The following NCAM1 variants were observed in gnomAD, a reference collection of about 807,000 sequenced individuals.
The protein encoded by NCAM1 is neural cell adhesion molecule 1.
Under a neutral mutation model 109.8 loss-of-function variants are expected in NCAM1, and 14 were observed. The ratio of observed to expected loss-of-function variants is 0.13; its 90% confidence interval spans 0.08 to 0.20. NCAM1 has a LOEUF of 0.20. NCAM1 is among the 10% of genes least tolerant of loss of function. The pLI, the probability that NCAM1 is intolerant of heterozygous loss-of-function variation, is 1.00. For synonymous variants in NCAM1, 418 were observed against 442.9 expected (o/e 0.94, Z 0.70); for missense variants, 774 against 1,109.9 (o/e 0.70, Z 4.30).
intron 1 of NCAM1, among the ~76,000 whole-genome samples, chr11:112,987,895 A>T (rs1177219450): frequency 3.3e-5 from 5 of 152,130 alleles, no homozygotes; most frequent in East Asian, 1.9e-4. Flanking sequence ...ATTTGCATTC[A>T]AGGTAATTAT....
chr11:113,197,233 A>G, intron 1 of NCAM1: 1 of 236,724 alleles, frequency 4.2e-6, no homozygotes, highest in Non-Finnish European at 9.3e-6. Context: ...ACACAGAGCC[A>G]AACTATCTCA....
intron 2 of NCAM1, 96 bp downstream of exon 2, chr11:113,202,549 C>A (rs1289397629): frequency 3.7e-6 from 4 of 1,078,430 alleles, no homozygotes; most frequent in South Asian, 1.7e-5. Flanking sequence ...GCTGGTCAAG[C>A]CACACCTAGA....
At chr11:113,087,854 A>G (rs1010451952) in intron 1 of NCAM1, among the ~76,000 whole-genome samples, 2 of 152,170 alleles carry the variant, frequency 1.3e-5, no homozygotes, top group Non-Finnish European at 2.9e-5. Context: ...GACTTGAGGC[A>G]TTATAGAGGT....
chr11:113,253,657 G>A (rs10891524), intron 15 of NCAM1, among the ~76,000 whole-genome samples: 29,417 of 152,020 alleles, frequency 0.19, 3,335 homozygotes, highest in East Asian at 0.31. Flanking sequence ...CAGCCAGGGA[G>A]GCCCCAGTGG....
intron 8 of NCAM1, among the ~76,000 whole-genome samples, chr11:113,217,264 GC>G (rs2137049856): frequency 6.6e-6 from 1 of 152,266 alleles, no homozygotes; most frequent in Non-Finnish European, 1.5e-5. Context: ...AGGGGAGTTG[GC>G]CAATGCTGAA....
At chr11:113,151,004 T>A (rs1942205504) in intron 1 of NCAM1, among the ~76,000 whole-genome samples, 1 of 152,154 alleles carries the variant, frequency 6.6e-6, no homozygotes, top group South Asian at 2.1e-4. Context: ...GTGACCTTGG[T>A]CTAATAAGTA....
chr11:113,023,066 TATGTAATAAGAAACA>T (rs1194127292), intron 1 of NCAM1, among the ~76,000 whole-genome samples: 4 of 152,210 alleles, frequency 2.6e-5, no homozygotes, highest in Non-Finnish European at 5.9e-5. Context: ...TTCTTACTAC[TATGTAATAAGAAACA>T]AGTGAATATC....
intron 1 of NCAM1, among the ~76,000 whole-genome samples, chr11:113,104,237 G>T (rs962155303): frequency 2.0e-5 from 3 of 149,976 alleles, no homozygotes; most frequent in Non-Finnish European, 4.4e-5. Flanking sequence ...TGGTGGCGGT[G>T]CAGGGGAAGG....
At chr11:113,264,567 T>C (rs1946095220) in intron 17 of NCAM1, 1 of 985,574 alleles carries the variant, frequency 1.0e-6, no homozygotes, top group Non-Finnish European at 1.2e-6. Flanking sequence ...GGAGAGCTAC[T>C]GGCTCTTAGG....
chr11:113,271,811 G>A lies in NCAM1; in HGVS notation c.2391G>A (p.Arg797=). The change falls in exon 19 of 20, where the codon AGG becomes AGA. Residue 797 remains arginine, a synonymous_variant. Transcript: ENST00000316851. ...TGGAGGTTCGAACGGAGGAGGAGAG[G>A]ACCCCAAACCATGATGGAGGGAAAC... ...PIVEVRTEEE[R]TPNHDGGKHT... 1 of 1,571,928 alleles carries A rather than the reference G, an allele frequency of 6.4e-7. No individual in the cohort carries two copies. The highest frequency in any genetic ancestry group is 2.4e-5 in the East Asian group (1 of 42,222).
chr11:113,004,180 C>A (rs2135022620), intron 1 of NCAM1, among the ~76,000 whole-genome samples: 1 of 152,280 alleles, frequency 6.6e-6, no homozygotes, highest in Middle Eastern at 3.4e-3. Flanking sequence ...TGTACTTACA[C>A]ACACATATAT....
chr11:113,247,008 A>G (rs1945518490), intron 15 of NCAM1, among the ~76,000 whole-genome samples: 1 of 152,214 alleles, frequency 6.6e-6, no homozygotes, highest in Non-Finnish European at 1.5e-5. Flanking sequence ...TCAAAGCAAA[A>G]GTCACTTGGC....
intron 1 of NCAM1, among the ~76,000 whole-genome samples, chr11:113,040,076 A>C (rs1306562040): frequency 1.3e-5 from 2 of 152,224 alleles, no homozygotes; most frequent in Non-Finnish European, 2.9e-5. Flanking sequence ...CAGGAGGTGG[A>C]GGTTGCAGTG....
chr11:113,105,808 G>T (rs1940129867), intron 1 of NCAM1, among the ~76,000 whole-genome samples: 1 of 152,156 alleles, frequency 6.6e-6, no homozygotes. Flanking sequence ...ATGGGATGAT[G>T]AAAATGTTCT....
chr11:113,267,062 G>A (rs1232044099), intron 17 of NCAM1, among the ~76,000 whole-genome samples: 3 of 152,192 alleles, frequency 2.0e-5, no homozygotes, highest in Non-Finnish European at 4.4e-5. Context: ...GATTCGCCCT[G>A]TTTATTAGTC....
At chr11:113,185,762 T>G (rs2090325422) in intron 1 of NCAM1, among the ~76,000 whole-genome samples, 1 of 152,208 alleles carries the variant, frequency 6.6e-6, no homozygotes, top group African/African-American at 2.4e-5. Context: ...AATTCGTCAG[T>G]TATCCCAGGT....
At chr11:113,049,306 G>A (rs999121757) in intron 1 of NCAM1, among the ~76,000 whole-genome samples, 1 of 152,086 alleles carries the variant, frequency 6.6e-6, no homozygotes, top group Non-Finnish European at 1.5e-5. Flanking sequence ...TCCAAGCTGT[G>A]ATTCATCCCG....
At chr11:113,053,868 G>A (rs1459267776) in intron 1 of NCAM1, among the ~76,000 whole-genome samples, 1 of 152,138 alleles carries the variant, frequency 6.6e-6, no homozygotes, top group Non-Finnish European at 1.5e-5. Context: ...GTTACTGAGA[G>A]CCCCTTATCA....
chr11:112,981,533 T>C (rs1225560538), intron 1 of NCAM1, among the ~76,000 whole-genome samples: 1 of 151,900 alleles, frequency 6.6e-6, no homozygotes, highest in Non-Finnish European at 1.5e-5. Flanking sequence ...TGGGATACCA[T>C]AGATACCCCA....
Sources: gnomAD v4.1 joint callset for allele counts (sites outside exome capture counted in the v4.1 genomes callset) on GRCh38, gnomAD v4.1.1 for gene constraint, MANE v1.5 for transcripts, NCBI Gene and HGNC (gene_info 2026-07-23, HGNC 2026-07-21) for gene names.